The following CENPW variants were observed in gnomAD, a reference collection of about 807,000 sequenced individuals.
The protein encoded by CENPW is cancer-up-regulated gene 2 protein.
In CENPW, 3 loss-of-function variants were observed where a neutral mutation model predicts 11.1. The observed-to-expected ratio is 0.27, with a 90% CI of 0.12 to 0.70. The LOEUF is 0.70. Ranked by LOEUF, CENPW falls within the 30% of genes least tolerant of loss-of-function variation. The pLI, the probability that CENPW is intolerant of heterozygous loss-of-function variation, is 0.77. For synonymous variants in CENPW, 38 were observed against 42.0 expected (o/e 0.91, Z 0.37); for missense variants, 100 against 105.6 (o/e 0.95, Z 0.23).
the CENPW span, among the ~76,000 whole-genome samples, chr6:126,429,188 A>G: frequency 6.6e-6 from 1 of 152,348 alleles, no homozygotes; most frequent in East Asian, 1.9e-4. Context: ...CTTAGGATAC[A>G]TCTCAAGAAA....
At chr6:126,424,884 C>A in the CENPW span, among the ~76,000 whole-genome samples, 1 of 152,072 alleles carries the variant, frequency 6.6e-6, no homozygotes, top group Non-Finnish European at 1.5e-5. Flanking sequence ...ATCCCATTCC[C>A]AATCCCTAAG....
At chr6:126,356,083 A>G in the CENPW span, among the ~76,000 whole-genome samples, 5 of 152,174 alleles carry the variant, frequency 3.3e-5, no homozygotes, top group Admixed American at 2.0e-4. Context: ...GCAAAGTAGG[A>G]TGTTTCTCTC....
At chr6:126,396,380 G>A in the CENPW span, among the ~76,000 whole-genome samples, 1 of 152,062 alleles carries the variant, frequency 6.6e-6, no homozygotes, top group Non-Finnish European at 1.5e-5. Context: ...ATGTTTACTC[G>A]AGGCTTAAGT....
the CENPW span, among the ~76,000 whole-genome samples, chr6:126,396,328 C>G: frequency 6.6e-6 from 1 of 152,134 alleles, no homozygotes; most frequent in African/African-American, 2.4e-5. Flanking sequence ...CCACCACCAC[C>G]ACCTCCTCAG....
chr6:126,398,571 C>T, the CENPW span, among the ~76,000 whole-genome samples: 2 of 152,052 alleles, frequency 1.3e-5, no homozygotes, highest in Admixed American at 6.6e-5. Flanking sequence ...CTATCTAATA[C>T]AATGTAAATT....
At chr6:126,346,601 A>G (rs1417359594) in intron 2 of CENPW, among the ~76,000 whole-genome samples, 4 of 152,178 alleles carry the variant, frequency 2.6e-5, no homozygotes, top group African/African-American at 9.7e-5. Context: ...AAATTTATCA[A>G]AACTTACTTT....
At chr6:126,397,858 A>ATAAGT in the CENPW span, among the ~76,000 whole-genome samples, 1 of 152,174 alleles carries the variant, frequency 6.6e-6, no homozygotes, top group Non-Finnish European at 1.5e-5. Context: ...CTGTTGACTC[A>ATAAGT]GAGCCTTTTC....
chr6:126,434,526 G>A, the CENPW span, among the ~76,000 whole-genome samples: 1 of 151,858 alleles, frequency 6.6e-6, no homozygotes, highest in South Asian at 2.1e-4. Context: ...ATTATAGCTG[G>A]CTAGACATGT....
At chr6:126,446,010 G>A in the CENPW span, among the ~76,000 whole-genome samples, 1 of 150,674 alleles carries the variant, frequency 6.6e-6, no homozygotes, top group Non-Finnish European at 1.5e-5. Context: ...TCTAAGAAAG[G>A]ATAAAAAAAA....
At chr6:126,466,950 A>G in the CENPW span, among the ~76,000 whole-genome samples, 2 of 152,230 alleles carry the variant, frequency 1.3e-5, no homozygotes, top group East Asian at 3.9e-4. Flanking sequence ...GAGAGGTGAA[A>G]GATCTCTACA....
the CENPW span, among the ~76,000 whole-genome samples, chr6:126,383,596 GA>G: frequency 8.6e-3 from 1,291 of 150,276 alleles, 14 homozygotes; most frequent in African/African-American, 0.03. Context: ...CAAGGAAATG[GA>G]AAAAAGAAAA....
chr6:126,368,596 G>C, the CENPW span, among the ~76,000 whole-genome samples: 1 of 150,916 alleles, frequency 6.6e-6, no homozygotes, highest in Non-Finnish European at 1.5e-5. Flanking sequence ...GTGGTGATGT[G>C]AGAGATTTTA....
the CENPW span, among the ~76,000 whole-genome samples, chr6:126,476,960 C>T: frequency 6.6e-6 from 1 of 151,882 alleles, no homozygotes; most frequent in Non-Finnish European, 1.5e-5. Context: ...ACTGTTCTAG[C>T]TTAATTCTCC....
chr6:126,462,450 GA>G, the CENPW span, among the ~76,000 whole-genome samples: 1 of 151,164 alleles, frequency 6.6e-6, no homozygotes, highest in Middle Eastern at 3.4e-3. Context: ...AAGCTGAGGA[GA>G]AAATGAAAAC....
chr6:126,425,806 A>G, the CENPW span, among the ~76,000 whole-genome samples: 1 of 151,938 alleles, frequency 6.6e-6, no homozygotes, highest in African/African-American at 2.4e-5. Flanking sequence ...GCTGTGAAAA[A>G]AAAAAACCCT....
chr6:126,463,302 T>C, the CENPW span, among the ~76,000 whole-genome samples: 3 of 152,026 alleles, frequency 2.0e-5, no homozygotes, highest in East Asian at 1.9e-4. Flanking sequence ...AAAATATAAG[T>C]ATCTTTTTAT....
At chr6:126,383,734 T>C in the CENPW span, among the ~76,000 whole-genome samples, 2 of 152,106 alleles carry the variant, frequency 1.3e-5, no homozygotes, top group East Asian at 3.8e-4. Flanking sequence ...CTATCCTAAA[T>C]ATATATGCAC....
At chr6:126,410,902 G>C in the CENPW span, among the ~76,000 whole-genome samples, 1 of 151,724 alleles carries the variant, frequency 6.6e-6, no homozygotes, top group Non-Finnish European at 1.5e-5. Flanking sequence ...TGATTTTGTT[G>C]AGTTGTCAAT....
At chr6:126,378,616 T>C in the CENPW span, among the ~76,000 whole-genome samples, 2 of 152,162 alleles carry the variant, frequency 1.3e-5, no homozygotes, top group African/African-American at 2.4e-5. Flanking sequence ...TGCTGTGATA[T>C]ATTGCCCAGA....
Sources: allele counts gnomAD v4.1 joint callset (sites outside exome capture counted in the v4.1 genomes callset), GRCh38; gene constraint gnomAD v4.1.1; transcripts MANE v1.5; gene names NCBI Gene and HGNC (gene_info 2026-07-23, HGNC 2026-07-21).